MS4A5: variants seen among roughly 807,000 people sequenced by gnomAD.
MS4A5 encodes membrane-spanning 4-domains subfamily A member 5.
A neutral mutation model predicts 18.2 loss-of-function variants in MS4A5; 15 were observed. The ratio of observed to expected loss-of-function variants is 0.83; its 90% CI spans 0.55 to 1.27. MS4A5 has a LOEUF of 1.27. Ranked by LOEUF, MS4A5 falls within the 50% of genes most tolerant of loss-of-function variation. MS4A5 has a pLI of 0.00. For synonymous variants in MS4A5, 89 were observed against 78.7 expected (o/e 1.13, Z -0.69); for missense variants, 232 against 225.7 (o/e 1.03, Z -0.18).
rs566710767 is a variant in MS4A5, at chr11:60,436,127, G to A, written c.492+2210G>A. ...AGTGGGTCCCTGACCCCTGACCCCCGAGCAGCCTAACTGGGAGGCACCCCC... is the reference window on the plus strand; with the variant it reads ...AGTGGGTCCCTGACCCCTGACCCCCAAGCAGCCTAACTGGGAGGCACCCCC... On this transcript the variant is annotated intron_variant, in intron 4 of 4. Coordinates refer to ENST00000300190, the MANE Select transcript of MS4A5 (RefSeq NM_023945.3). Among the ~76,000 whole-genome samples the A allele has an allele frequency of 1.1e-4, 17 of 152,060 alleles. No homozygotes were observed. In the East Asian group the frequency reaches 2.1e-3, roughly 19 times the overall value.
intron 4 of MS4A5, among the ~76,000 whole-genome samples, chr11:60,442,488 TG>T (rs2086118687): frequency 6.6e-6 from 1 of 151,944 alleles, no homozygotes; most frequent in African/African-American, 2.4e-5. Context: ...CAAGGCCTGT[TG>T]GGGGGTAGTG....
intron 4 of MS4A5, among the ~76,000 whole-genome samples, chr11:60,437,623 C>T: frequency 6.6e-6 from 1 of 150,774 alleles, no homozygotes; most frequent in African/African-American, 2.4e-5. Flanking sequence ...GGTTGCAATC[C>T]TAGTCTCTGA....
intron 4 of MS4A5, among the ~76,000 whole-genome samples, chr11:60,437,483 G>A (rs1265303774): frequency 6.6e-6 from 1 of 152,082 alleles, no homozygotes; most frequent in Non-Finnish European, 1.5e-5. Context: ...CTGGCAAATT[G>A]GATAAAGAGT....
At chr11:60,443,761 C>G (rs1565189190) in intron 4 of MS4A5, among the ~76,000 whole-genome samples, 1 of 151,884 alleles carries the variant, frequency 6.6e-6, no homozygotes, top group Non-Finnish European at 1.5e-5. Context: ...AGAGAAAACA[C>G]AAACTATCAT....
intron 4 of MS4A5, among the ~76,000 whole-genome samples, chr11:60,447,325 C>T (rs961778991): frequency 6.8e-6 from 1 of 146,924 alleles, no homozygotes; most frequent in African/African-American, 2.5e-5. Context: ...CTATGCTATG[C>T]TATGCTATGC....
chr11:60,431,722 C>A (rs1317878802), intron 2 of MS4A5, among the ~76,000 whole-genome samples: 1 of 151,964 alleles, frequency 6.6e-6, no homozygotes, highest in African/African-American at 2.4e-5. Context: ...GTTGGGATAC[C>A]CAAGTGTAAG....
At chr11:60,443,143 A>AAAC (rs143304515) in intron 4 of MS4A5, among the ~76,000 whole-genome samples, 2 of 152,112 alleles carry the variant, frequency 1.3e-5, no homozygotes, top group East Asian at 1.9e-4. Context: ...TCCGTCTCAA[A>AAAC]AACAACAACA....
At chr11:60,440,382 T>C (rs2086104110) in intron 4 of MS4A5, among the ~76,000 whole-genome samples, 2 of 126,982 alleles carry the variant, frequency 1.6e-5, no homozygotes, top group African/African-American at 5.7e-5. Context: ...ACTTCATGTC[T>C]AAAACACCAA....
intron 4 of MS4A5, among the ~76,000 whole-genome samples, chr11:60,439,198 GA>G (rs1260105896): frequency 7.9e-6 from 1 of 127,376 alleles, no homozygotes; most frequent in African/African-American, 3.0e-5. Flanking sequence ...AATAGATGCA[GA>G]AAAAGCCTTT....
At position 60,429,635 on chromosome 11, in the gene MS4A5, C is replaced by G. The variant is rs1331050277; in HGVS notation, c.-40C>G. The G allele has an allele frequency of 6.3e-7, 1 of 1,582,224 alleles. No individual in the cohort carries two copies. The highest frequency in any genetic ancestry group is 8.6e-7 in the Non-Finnish European group (1 of 1,166,742). On this transcript the variant is annotated 5_prime_UTR_variant, in exon 1 of 5. Coordinates refer to ENST00000300190, the MANE Select transcript of MS4A5 (RefSeq NM_023945.3). ...AAGAACATGGTCTAGACTGAAGTACCAACTAAATCATCTCCTTTCAAATTA... is the reference window on the plus strand; with the variant it reads ...AAGAACATGGTCTAGACTGAAGTACGAACTAAATCATCTCCTTTCAAATTA...
At chr11:60,442,797 A>C (rs2135179136) in intron 4 of MS4A5, among the ~76,000 whole-genome samples, 1 of 152,316 alleles carries the variant, frequency 6.6e-6, no homozygotes, top group Non-Finnish European at 1.5e-5. Context: ...TGCTCAAACA[A>C]AATAATGCCA....
chr11:60,430,677 T>C (rs1418776310), intron 1 of MS4A5, 119 bp from the exon 2 acceptor site: 1 of 1,125,914 alleles, frequency 8.9e-7, no homozygotes, highest in East Asian at 2.4e-5. Context: ...TCTATTATTC[T>C]TCCCCTAATT....
chr11:60,443,536 A>G (rs919259665), intron 4 of MS4A5, among the ~76,000 whole-genome samples: 3 of 152,070 alleles, frequency 2.0e-5, no homozygotes, highest in African/African-American at 7.2e-5. Flanking sequence ...AAAGTAAATT[A>G]TCTAAATATT....
At chr11:60,433,088 T>C (rs553647151) in intron 3 of MS4A5, among the ~76,000 whole-genome samples, 1 of 152,346 alleles carries the variant, frequency 6.6e-6, no homozygotes, top group Non-Finnish European at 1.5e-5. Context: ...AATGGTAGAA[T>C]TATTTCAACA....
intron 2 of MS4A5, among the ~76,000 whole-genome samples, 162 bp downstream of exon 2, chr11:60,431,086 GAT>G (rs2086046346): frequency 6.6e-6 from 1 of 152,264 alleles, no homozygotes; most frequent in Admixed American, 6.5e-5. Flanking sequence ...CACAGTCACT[GAT>G]ATTCCATCAT....
chr11:60,441,901 T>C (rs1174905429), intron 4 of MS4A5, among the ~76,000 whole-genome samples: 5 of 152,148 alleles, frequency 3.3e-5, no homozygotes, highest in African/African-American at 7.2e-5. Context: ...GGACTTTCTA[T>C]AATAAAAGGG....
intron 4 of MS4A5, among the ~76,000 whole-genome samples, chr11:60,441,085 T>C (rs1442137662): frequency 1.1e-5 from 1 of 87,356 alleles, no homozygotes; most frequent in Non-Finnish European, 2.3e-5. Flanking sequence ...CACCATGGAA[T>C]ACTATGCAGC....
intron 4 of MS4A5, among the ~76,000 whole-genome samples, chr11:60,440,916 C>A: frequency 8.2e-6 from 1 of 122,312 alleles, no homozygotes; most frequent in South Asian, 2.9e-4. Context: ...ACCCAGCCAT[C>A]CCATTACTGG....
chr11:60,441,963 A>T (rs1295320069), intron 4 of MS4A5, among the ~76,000 whole-genome samples: 1 of 152,214 alleles, frequency 6.6e-6, no homozygotes, highest in East Asian at 1.9e-4. Context: ...TCCTAATAAC[A>T]ACTCAAAGCC....
Sources: allele counts gnomAD v4.1 joint callset (sites outside exome capture counted in the v4.1 genomes callset), GRCh38; gene constraint gnomAD v4.1.1; transcripts MANE v1.5; gene names NCBI Gene and HGNC (gene_info 2026-07-23, HGNC 2026-07-21).